Variants in CSMD1 observed in about 807,000 individuals in gnomAD.
CSMD1 encodes CUB and sushi domain-containing protein 1.
CSMD1 carries 213 observed loss-of-function variants against 417.5 expected under a neutral mutation model. That is an observed-to-expected ratio of 0.51 (90% confidence interval 0.46 to 0.57). CSMD1 has a LOEUF of 0.57. CSMD1 is among the 20% of genes least tolerant of loss of function. CSMD1 has a pLI of 0.00. For missense variants in CSMD1, 6,923 were observed against 4,529.7 expected, an observed-to-expected ratio of 1.53 and a Z score of -15.17; for synonymous variants, 2,862 against 1,736.8, an observed-to-expected ratio of 1.65 and a Z score of -16.11.
In CSMD1 at chr8:3,029,439, C is replaced by T. The variant is rs970258308; in HGVS notation, c.7735G>A (p.Glu2579Lys). 4 of 1,610,206 alleles carry T rather than the reference C, an allele frequency of 2.5e-6. No individual in the cohort carries two copies. The African/African-American group carries it at 4.0e-5, about 16-fold the overall frequency. The part of the protein sequence containing the change: ...IWRLVSGSLN[E>K]YGAQVLLSCS... ...CTCAGCAATACTTGAGCACCGTACT[C>T]ATTCAAGGATCCTGAAACCAGCCTC... is the stretch of plus-strand genomic sequence containing the variant. The change falls in exon 51 of 70, where the codon GAG becomes AAG. Residue 2579 changes from glutamate (E) to lysine (K), a missense_variant. Glu to Lys is a moderately conservative substitution (Grantham distance 56). Coordinates refer to ENST00000635120, the MANE Select transcript of CSMD1 (RefSeq NM_033225.6).
chr8:4,411,621 C>T (rs1249133649), intron 3 of CSMD1, among the ~76,000 whole-genome samples: 1 of 152,112 alleles, frequency 6.6e-6, no homozygotes, highest in African/African-American at 2.4e-5. Flanking sequence ...GCAATCCTTC[C>T]ACCTGCTCAT....
At chr8:3,731,909 G>C (rs934217754) in intron 6 of CSMD1, among the ~76,000 whole-genome samples, 1 of 152,168 alleles carries the variant, frequency 6.6e-6, no homozygotes, top group Non-Finnish European at 1.5e-5. Flanking sequence ...TGTGACCTTA[G>C]TGGTTTTGGA....
chr8:3,784,008 A>G (rs1361073807), intron 5 of CSMD1, among the ~76,000 whole-genome samples: 2 of 152,216 alleles, frequency 1.3e-5, no homozygotes, highest in African/African-American at 4.8e-5. Flanking sequence ...TCTTATTTGC[A>G]AAATGTTTAT....
intron 4 of CSMD1, among the ~76,000 whole-genome samples, chr8:4,003,733 G>A (rs1194002023): frequency 2.0e-5 from 3 of 152,116 alleles, no homozygotes; most frequent in South Asian, 4.1e-4. Context: ...TACCAACACA[G>A]GCGAGTGACA....
chr8:3,989,476 A>C (rs1361208447), intron 5 of CSMD1, among the ~76,000 whole-genome samples: 3 of 152,214 alleles, frequency 2.0e-5, no homozygotes, highest in Non-Finnish European at 4.4e-5. Context: ...ACACAGACAA[A>C]AAACCTGGAT....
Position 4,198,175 on chromosome 8 carries a change from G to C in CSMD1, c.416-166076C>G, listed in dbSNP as rs986333947. Among the ~76,000 whole-genome samples the C allele has an allele frequency of 3.3e-5, 5 of 152,178 alleles. No individual in the cohort carries two copies. In the East Asian group the frequency reaches 7.7e-4, roughly 24 times the overall value. On this transcript the variant is annotated intron_variant, in intron 3 of 69. Transcript: ENST00000635120. Reference sequence around the variant, plus strand: ...ATCAGCAGTCCCGAAGCATGATCAGGGGAGTCATTCCAAGCAGAGAGTCCA... The same window carrying C: ...ATCAGCAGTCCCGAAGCATGATCAGCGGAGTCATTCCAAGCAGAGAGTCCA...
At chr8:4,340,049 G>A (rs1439171672) in intron 3 of CSMD1, among the ~76,000 whole-genome samples, 1 of 151,964 alleles carries the variant, frequency 6.6e-6, no homozygotes, top group Non-Finnish European at 1.5e-5. Flanking sequence ...GCAGCATACC[G>A]TATGTTTTAG....
At chr8:4,434,326 A>G (rs941097739) in intron 2 of CSMD1, among the ~76,000 whole-genome samples, 40 of 152,252 alleles carry the variant, frequency 2.6e-4, no homozygotes, top group African/African-American at 9.4e-4. Flanking sequence ...AGATTGCACC[A>G]TTACACTCCA....
chr8:3,438,731 A>G (rs1262394527), intron 12 of CSMD1, among the ~76,000 whole-genome samples: 1 of 152,112 alleles, frequency 6.6e-6, no homozygotes, highest in Non-Finnish European at 1.5e-5. Flanking sequence ...ACTTATTATT[A>G]TGTTATGTGA....
At chr8:3,430,746 G>T (rs1585153967) in intron 12 of CSMD1, among the ~76,000 whole-genome samples, 1 of 152,172 alleles carries the variant, frequency 6.6e-6, no homozygotes, top group East Asian at 1.9e-4. Flanking sequence ...GGTGGAGGTT[G>T]CAGTGAGCAG....
At chr8:4,281,817 C>T (rs1209711670) in intron 3 of CSMD1, among the ~76,000 whole-genome samples, 2 of 152,074 alleles carry the variant, frequency 1.3e-5, no homozygotes, top group Admixed American at 6.5e-5. Flanking sequence ...CATTGTAAAA[C>T]ACTGATTTTC....
In CSMD1 at chr8:4,179,378, T is replaced by G. The variant is rs1056396534; in HGVS notation, c.416-147279A>C. On this transcript the variant is annotated intron_variant, in intron 3 of 69. Coordinates refer to ENST00000635120, the MANE Select transcript of CSMD1 (RefSeq NM_033225.6). The stretch of plus-strand genomic sequence containing the variant: ...GCTGGGAAAACTGGCTAGCCATATG[T>G]AGAAAGCTGAAGCTGGATCCCTTCC... 9.9e-5 allele frequency among the ~76,000 whole-genome samples: 15 copies of G among 152,250 alleles called. 1 individual carries two copies. Among genetic ancestry groups the G allele is most frequent in the South Asian group, 6.2e-4 (3 of 4,822 alleles).
intron 5 of CSMD1, among the ~76,000 whole-genome samples, chr8:3,884,205 T>G (rs1806398449): frequency 6.6e-6 from 1 of 152,192 alleles, no homozygotes; most frequent in South Asian, 2.1e-4. Flanking sequence ...ATAGGTAAGT[T>G]TGTTTAATAA....
intron 5 of CSMD1, among the ~76,000 whole-genome samples, chr8:3,933,269 T>C (rs1210166058): frequency 6.6e-6 from 1 of 152,204 alleles, no homozygotes; most frequent in African/African-American, 2.4e-5. Context: ...TTGACTAATC[T>C]AAAATATTTT....
chr8:2,952,715 C>T (rs907259922), intron 65 of CSMD1, among the ~76,000 whole-genome samples: 1 of 152,112 alleles, frequency 6.6e-6, no homozygotes, highest in Admixed American at 6.6e-5. Context: ...AATTTATATG[C>T]TCTTCTGAAG....
At chr8:4,579,556 G>T (rs989624029) in intron 2 of CSMD1, among the ~76,000 whole-genome samples, 3 of 151,952 alleles carry the variant, frequency 2.0e-5, no homozygotes, top group Non-Finnish European at 4.4e-5. Flanking sequence ...TAGAGATGGG[G>T]TCTCAGCATG....
At chr8:4,175,414 T>C (rs1040221863) in intron 3 of CSMD1, among the ~76,000 whole-genome samples, 1 of 152,124 alleles carries the variant, frequency 6.6e-6, no homozygotes, top group Non-Finnish European at 1.5e-5. Context: ...ACTTTTATTG[T>C]TCAACGGAAT....
intron 5 of CSMD1, among the ~76,000 whole-genome samples, chr8:3,844,705 T>C (rs983374729): frequency 2.0e-5 from 3 of 152,206 alleles, no homozygotes; most frequent in African/African-American, 7.2e-5. Flanking sequence ...TCACTAGTTT[T>C]ATTTCTGATA....
At chr8:3,107,918 T>C (rs994375803) in intron 44 of CSMD1, 120 bp from the exon 45 acceptor site, 5 of 627,456 alleles carry the variant, frequency 8.0e-6, no homozygotes, top group East Asian at 3.1e-5. Flanking sequence ...CTGAAATGTC[T>C]CTATTCCTGA....
Sources: allele counts gnomAD v4.1 joint callset (sites outside exome capture counted in the v4.1 genomes callset), GRCh38; gene constraint gnomAD v4.1.1; transcripts MANE v1.5; gene names NCBI Gene and HGNC (gene_info 2026-07-23, HGNC 2026-07-21).